Variants in ARFGEF1 observed in about 807,000 individuals in gnomAD.
ARFGEF1 encodes ARF guanine nucleotide exchange factor 1, also known as brefeldin A-inhibited guanine nucleotide-exchange protein 1.
ARFGEF1 carries 42 observed loss-of-function variants against 231.0 expected under a neutral mutation model. The ratio of observed to expected loss-of-function variants is 0.18; its 90% CI spans 0.14 to 0.24. The LOEUF (loss-of-function observed/expected upper bound fraction) is 0.24. Among genes scored for constraint, ARFGEF1 ranks in the 10% least tolerant of loss-of-function variants. The pLI is 1.00. For synonymous variants in ARFGEF1, 710 were observed against 732.3 expected, an observed-to-expected ratio of 0.97 and a Z score of 0.49; for missense variants, 1,345 against 2,192.0, an observed-to-expected ratio of 0.61 and a Z score of 7.72.
chr8:67,236,317 CAAAAAAAAAAA>C (rs1170379472), intron 22 of ARFGEF1, among the ~76,000 whole-genome samples: 63 of 12,102 alleles, frequency 5.2e-3, no homozygotes, highest in African/African-American at 0.01. Flanking sequence ...GACTGTGACT[CAAAAAAAAAAA>C]AAAAAAAAAA....
At chr8:67,230,936 TA>T (rs1456453027) in intron 23 of ARFGEF1, among the ~76,000 whole-genome samples, 2 of 152,094 alleles carry the variant, frequency 1.3e-5, no homozygotes, top group Admixed American at 1.3e-4. Flanking sequence ...AAGTCTGTAA[TA>T]AAATCTTATT....
rs930322598 is a variant in ARFGEF1 at position 67,321,926 on chromosome 8, C to T, written c.125-19460G>A. Reference sequence around the variant, plus strand: ...AAAGCTCAAGCTCTTCAGCATGGCACACAAAAGCCTCCATGATTTGGCTCC... The same window carrying T: ...AAAGCTCAAGCTCTTCAGCATGGCATACAAAAGCCTCCATGATTTGGCTCC... On this transcript the variant is annotated intron_variant, in intron 1 of 38. Transcript: ENST00000262215. Among the ~76,000 whole-genome samples, 36 of 152,196 alleles carry T rather than the reference C, an allele frequency of 2.4e-4. 1 individual carries two copies. Among genetic ancestry groups the T allele is most frequent in the Non-Finnish European group, 2.9e-5 (2 of 68,042 alleles).
At chr8:67,211,235 C>G (rs527559231) in intron 34 of ARFGEF1, among the ~76,000 whole-genome samples, 1 of 147,470 alleles carries the variant, frequency 6.8e-6, no homozygotes, top group Non-Finnish European at 1.5e-5. Flanking sequence ...TCCCAGCTAC[C>G]CGGGAGGCTG....
At chr8:67,301,506 A>G in intron 2 of ARFGEF1, 126 bp from the exon 3 acceptor site, 1 of 1,033,772 alleles carries the variant, frequency 9.7e-7, no homozygotes, top group Non-Finnish European at 1.4e-6. Flanking sequence ...ATCTTCCCAT[A>G]TTTCGAGAGG....
At chr8:67,276,311 G>A (rs374075484) in intron 8 of ARFGEF1, among the ~76,000 whole-genome samples, 3 of 151,970 alleles carry the variant, frequency 2.0e-5, no homozygotes, top group East Asian at 1.9e-4. Context: ...CTTTAAAAAT[G>A]CACTTTAAAA....
chr8:67,193,654 A>G, downstream of ARFGEF1: 1 of 1,515,156 alleles, frequency 6.6e-7, no homozygotes, highest in Non-Finnish European at 9.1e-7. Context: ...GAACTTTTAA[A>G]CTTTCTTACT....
At chr8:67,289,293 A>G (rs774675795) in intron 6 of ARFGEF1, among the ~76,000 whole-genome samples, 109 of 152,096 alleles carry the variant, frequency 7.2e-4, no homozygotes, top group Non-Finnish European at 5.4e-4. Context: ...GGGGGGTCAC[A>G]CCTGTAATCC....
chr8:67,281,013 A>G (rs1216428460), intron 7 of ARFGEF1, among the ~76,000 whole-genome samples: 2 of 151,772 alleles, frequency 1.3e-5, no homozygotes, highest in Admixed American at 1.3e-4. Context: ...ACACAAGAGC[A>G]AAGTGCTATA....
At chr8:67,195,723 T>A, downstream of ARFGEF1, 2 of 668,782 alleles carry the variant, frequency 3.0e-6, no homozygotes, top group Non-Finnish European at 5.2e-6. Context: ...TATAAAATTA[T>A]TTTTATCATG....
At chr8:67,285,218 G>A (rs1234632712) in intron 7 of ARFGEF1, among the ~76,000 whole-genome samples, 1 of 151,916 alleles carries the variant, frequency 6.6e-6, no homozygotes, top group Non-Finnish European at 1.5e-5. Flanking sequence ...TCATCAATGG[G>A]TGCTAAAACC....
chr8:67,262,187 A>G (rs1292526517), intron 14 of ARFGEF1, among the ~76,000 whole-genome samples: 1 of 152,188 alleles, frequency 6.6e-6, no homozygotes, highest in Non-Finnish European at 1.5e-5. Flanking sequence ...GGGAGGGGTA[A>G]AAATACCAAC....
intron 5 of ARFGEF1, among the ~76,000 whole-genome samples, chr8:67,295,869 TTTCTC>T (rs1189673245): frequency 1.3e-5 from 2 of 152,142 alleles, no homozygotes; most frequent in Non-Finnish European, 2.9e-5. Context: ...TTTTGCAACT[TTTCTC>T]TACGTTTAAA....
intron 3 of ARFGEF1, among the ~76,000 whole-genome samples, chr8:67,300,660 C>CAAAAA (rs200434355): frequency 1.1e-5 from 1 of 88,658 alleles, no homozygotes. Context: ...CTTGTCTCTT[C>CAAAAA]AAAAAAAAAA....
chr8:67,271,112 C>T (rs901087204), intron 10 of ARFGEF1, among the ~76,000 whole-genome samples: 2 of 151,034 alleles, frequency 1.3e-5, no homozygotes, highest in South Asian at 4.2e-4. Context: ...TGAAAACATC[C>T]CTAATTTAGT....
At chr8:67,328,113 CATTT>C (rs1230219193) in intron 1 of ARFGEF1, among the ~76,000 whole-genome samples, 1 of 152,050 alleles carries the variant, frequency 6.6e-6, no homozygotes, top group African/African-American at 2.4e-5. Flanking sequence ...TGAGATAAGA[CATTT>C]TTTTAAAAAA....
chr8:67,195,348 G>A (rs780395454), downstream of ARFGEF1: 6 of 1,461,928 alleles, frequency 4.1e-6, no homozygotes, highest in Non-Finnish European at 5.8e-6. Flanking sequence ...TGCCACCTGT[G>A]TTACCTGAGC....
intron 7 of ARFGEF1, among the ~76,000 whole-genome samples, chr8:67,281,517 T>C (rs114341148): frequency 0.015 from 2,299 of 151,864 alleles, 62 homozygotes; most frequent in African/African-American, 0.053. Flanking sequence ...TGGTGAAATA[T>C]AGCAATAATG....
chr8:67,295,612 G>A (rs1402092345), intron 5 of ARFGEF1, among the ~76,000 whole-genome samples: 1 of 152,122 alleles, frequency 6.6e-6, no homozygotes, highest in African/African-American at 2.4e-5. Context: ...GAAAAGTTGA[G>A]GAACTGTCAC....
At chr8:67,247,006 A>T (rs1442027060) in intron 19 of ARFGEF1, among the ~76,000 whole-genome samples, 1 of 150,294 alleles carries the variant, frequency 6.7e-6, no homozygotes, top group Non-Finnish European at 1.5e-5. Context: ...GGAAATGGAT[A>T]AATTCCTAGA....
Sources: allele counts gnomAD v4.1 joint callset (sites outside exome capture counted in the v4.1 genomes callset), GRCh38; gene constraint gnomAD v4.1.1; transcripts MANE v1.5; gene names NCBI Gene and HGNC (gene_info 2026-07-23, HGNC 2026-07-21).